Variants in NIPAL2 observed in about 807,000 individuals in gnomAD.
NIPAL2 encodes NIPA like domain containing 2.
In NIPAL2, 43 loss-of-function variants were observed where a neutral mutation model predicts 48.9. The observed-to-expected ratio is 0.88, with a 90% CI of 0.69 to 1.13. NIPAL2 has a LOEUF of 1.13. Among genes scored for constraint, NIPAL2 ranks in the 50% most tolerant of loss-of-function variants. NIPAL2 has a pLI of 0.00. For synonymous variants in NIPAL2, 167 were observed against 174.6 expected, an observed-to-expected ratio of 0.96 and a Z score of 0.34; for missense variants, 446 against 461.4, an observed-to-expected ratio of 0.97 and a Z score of 0.31.
chr8:98,254,414 C>A (rs983585747), intron 1 of NIPAL2, among the ~76,000 whole-genome samples: 3 of 152,040 alleles, frequency 2.0e-5, no homozygotes, highest in Non-Finnish European at 4.4e-5. Flanking sequence ...TTTTTATTTT[C>A]TTTTCTCTAA....
chr8:98,259,924 G>A (rs1367604790), intron 1 of NIPAL2, among the ~76,000 whole-genome samples: 1 of 152,152 alleles, frequency 6.6e-6, no homozygotes, highest in Non-Finnish European at 1.5e-5. Context: ...CCCAGCTGAC[G>A]AATTGATTCC....
chr8:98,226,674 C>A (rs1180623662), intron 4 of NIPAL2, among the ~76,000 whole-genome samples: 2 of 152,130 alleles, frequency 1.3e-5, no homozygotes, highest in Admixed American at 6.5e-5. Flanking sequence ...CACAAGCACC[C>A]CTGTGGCCAC....
intron 1 of NIPAL2, among the ~76,000 whole-genome samples, chr8:98,281,506 A>G (rs1456652802): frequency 6.6e-6 from 1 of 152,226 alleles, no homozygotes. Flanking sequence ...GATTGTTTGT[A>G]ACGCAATTAT....
chr8:98,256,911 A>G (rs1020180693), intron 1 of NIPAL2, among the ~76,000 whole-genome samples: 1 of 152,206 alleles, frequency 6.6e-6, no homozygotes, highest in African/African-American at 2.4e-5. Context: ...TGTGTCCCTC[A>G]ATGGATGAAT....
At chr8:98,286,878 A>G (rs1816208242) in intron 1 of NIPAL2, among the ~76,000 whole-genome samples, 1 of 151,912 alleles carries the variant, frequency 6.6e-6, no homozygotes, top group African/African-American at 2.4e-5. Context: ...GGGCTGGGAA[A>G]GTGACATGGT....
intron 1 of NIPAL2, among the ~76,000 whole-genome samples, chr8:98,261,790 A>T (rs1421026851): frequency 6.7e-6 from 1 of 149,800 alleles, no homozygotes; most frequent in Non-Finnish European, 1.5e-5. Context: ...CCACAAAGAT[A>T]CTCCTCGAGA....
chr8:98,204,635 A>G (rs1051708699), intron 7 of NIPAL2, among the ~76,000 whole-genome samples: 13 of 152,016 alleles, frequency 8.6e-5, no homozygotes, highest in Non-Finnish European at 1.5e-5. Context: ...AATTCTGGCC[A>G]AAGATGCAAA....
At chr8:98,277,990 A>G (rs1815579371) in intron 1 of NIPAL2, among the ~76,000 whole-genome samples, 1 of 152,178 alleles carries the variant, frequency 6.6e-6, no homozygotes, top group African/African-American at 2.4e-5. Context: ...CTCTTTCAAT[A>G]AAATTCTTTG....
At chr8:98,227,361 G>C (rs1812227185) in intron 4 of NIPAL2, among the ~76,000 whole-genome samples, 1 of 152,088 alleles carries the variant, frequency 6.6e-6, no homozygotes, top group East Asian at 1.9e-4. Context: ...AATATGCTGG[G>C]CCACACCTGA....
intron 5 of NIPAL2, among the ~76,000 whole-genome samples, chr8:98,221,535 A>G (rs1370033548): frequency 6.6e-6 from 1 of 152,110 alleles, no homozygotes; most frequent in African/African-American, 2.4e-5. Context: ...GTTTGTCTAC[A>G]TCTATCAAGT....
Position 98,190,620 on chromosome 8 carries a change from G to A in NIPAL2, c.*2358C>T, listed in dbSNP as rs893949137. 1 of 152,242 alleles carries A rather than the reference G, an allele frequency of 6.6e-6. No individual in the cohort carries two copies. The highest frequency in any genetic ancestry group is 2.4e-5 in the African/African-American group (1 of 41,432). 9.4% of individuals were successfully genotyped at this position (152,242 alleles called of 1,614,324 possible). A position where few individuals can be genotyped will look rare whatever the true frequency, so the allele number is the denominator to read the frequency against. On this transcript the variant is annotated 3_prime_UTR_variant, in exon 11 of 11. Coordinates refer to ENST00000430223, the MANE Select transcript of NIPAL2 (RefSeq NM_001321635.2). ...TTACAGGCATGAGCCACCATGCCTG[G>A]CCTGTAAATAAAGTTTTACTGGAAC...
chr8:98,272,100 T>C (rs1268146471), intron 1 of NIPAL2, among the ~76,000 whole-genome samples: 1 of 152,164 alleles, frequency 6.6e-6, no homozygotes, highest in Non-Finnish European at 1.5e-5. Flanking sequence ...AGTTTGCTAG[T>C]ATTTGTAATG....
At chr8:98,237,884 T>A (rs920746766) in intron 3 of NIPAL2, among the ~76,000 whole-genome samples, 1 of 152,246 alleles carries the variant, frequency 6.6e-6, no homozygotes, top group Non-Finnish European at 1.5e-5. Context: ...TATTTGCCTG[T>A]CTTCCCCGAA....
chr8:98,292,978 CT>C (rs1239115732), intron 1 of NIPAL2, among the ~76,000 whole-genome samples: 2 of 152,140 alleles, frequency 1.3e-5, no homozygotes, highest in Non-Finnish European at 2.9e-5. Flanking sequence ...AAGCAATACT[CT>C]CCCCTCTTGA....
At chr8:98,238,627 A>T (rs1352820717) in intron 3 of NIPAL2, among the ~76,000 whole-genome samples, 3 of 151,430 alleles carry the variant, frequency 2.0e-5, no homozygotes, top group Non-Finnish European at 2.9e-5. Flanking sequence ...TTTTTCCTCA[A>T]CTTAGCTTTT....
At chr8:98,236,998 A>G (rs1428163350) in intron 3 of NIPAL2, among the ~76,000 whole-genome samples, 1 of 151,798 alleles carries the variant, frequency 6.6e-6, no homozygotes, top group African/African-American at 2.4e-5. Context: ...GACTGCTCCT[A>G]TTTCTCTTCT....
intron 10 of NIPAL2, chr8:98,193,427 C>A: frequency 2.5e-6 from 4 of 1,613,786 alleles, no homozygotes; most frequent in Non-Finnish European, 3.4e-6. Flanking sequence ...TTTTCCACGT[C>A]GAATGCATAT....
chr8:98,254,463 G>A (rs1813766164), intron 1 of NIPAL2, among the ~76,000 whole-genome samples: 2 of 151,884 alleles, frequency 1.3e-5, no homozygotes, highest in Non-Finnish European at 2.9e-5. Context: ...AAAGATCATC[G>A]GACTACAAGG....
In NIPAL2 at chr8:98,191,307, A is replaced by G. The variant is rs1303134384; in HGVS notation, c.*1671T>C. 6.6e-6 allele frequency: 1 copy of G among 152,360 alleles called. No homozygotes were observed. The highest frequency in any genetic ancestry group is 1.5e-5 in the Non-Finnish European group (1 of 68,040). The allele number at this position is 152,360 out of a possible 1,614,324, so 9.4% of individuals were successfully genotyped here. A position where few individuals can be genotyped will look rare whatever the true frequency, so the allele number is the denominator to read the frequency against. ...GATACATTTCTTGGCTGAGCCTTGTAGGACCAATATGCTGGACCAATTCGG... is the reference window on the plus strand; with the variant it reads ...GATACATTTCTTGGCTGAGCCTTGTGGGACCAATATGCTGGACCAATTCGG... On this transcript the variant is annotated 3_prime_UTR_variant, in exon 11 of 11. Coordinates refer to ENST00000430223, the MANE Select transcript of NIPAL2 (RefSeq NM_001321635.2).
Sources: gnomAD v4.1 joint callset for allele counts (sites outside exome capture counted in the v4.1 genomes callset) on GRCh38, gnomAD v4.1.1 for gene constraint, MANE v1.5 for transcripts, NCBI Gene and HGNC (gene_info 2026-07-23, HGNC 2026-07-21) for gene names.